The following SRD5A2 variants were observed in gnomAD, a reference collection of about 807,000 sequenced individuals.
SRD5A2 encodes the protein steroid 5 alpha-reductase 2.
SRD5A2 carries 30 observed loss-of-function variants against 27.4 expected under a neutral mutation model. The observed-to-expected ratio is 1.10, with a 90% CI of 0.82 to 1.49. SRD5A2 has a LOEUF of 1.49. Ranked by LOEUF, SRD5A2 falls within the 40% of genes most tolerant of loss-of-function variation. SRD5A2 has a pLI of 0.00. For synonymous variants in SRD5A2, 141 were observed against 133.6 expected (o/e 1.06, Z -0.38); for missense variants, 348 against 323.4 (o/e 1.08, Z -0.58).
chr2:31,575,942 G>A (rs1380323937), intron 1 of SRD5A2, among the ~76,000 whole-genome samples: 2 of 152,212 alleles, frequency 1.3e-5, no homozygotes, highest in East Asian at 3.8e-4. Context: ...ACCAATCAGA[G>A]AGTTTAGACA....
chr2:31,559,173 C>G (rs949845156), intron 1 of SRD5A2, among the ~76,000 whole-genome samples: 1 of 152,158 alleles, frequency 6.6e-6, no homozygotes, highest in African/African-American at 2.4e-5. Context: ...TTTGAGCTCC[C>G]AGACTGTGTG....
chr2:31,639,510 T>C, the SRD5A2 span, among the ~76,000 whole-genome samples: 1 of 152,096 alleles, frequency 6.6e-6, no homozygotes, highest in Non-Finnish European at 1.5e-5. Context: ...CCCTTTAGTA[T>C]TTTTTTATAC....
At chr2:31,663,008 C>T in the SRD5A2 span, among the ~76,000 whole-genome samples, 1 of 152,120 alleles carries the variant, frequency 6.6e-6, no homozygotes, top group African/African-American at 2.4e-5. Flanking sequence ...TAGGTTGTTT[C>T]ACTGCAGACA....
chr2:31,590,633 G>T, the SRD5A2 span, among the ~76,000 whole-genome samples: 1 of 152,104 alleles, frequency 6.6e-6, no homozygotes, highest in Non-Finnish European at 1.5e-5. Flanking sequence ...TCAATCCTAA[G>T]CCAAAAGAAC....
chr2:31,599,899 T>G, the SRD5A2 span, among the ~76,000 whole-genome samples: 1 of 151,974 alleles, frequency 6.6e-6, no homozygotes, highest in Non-Finnish European at 1.5e-5. Context: ...ACTCTTATCC[T>G]GTGGGTTTGT....
In SRD5A2 at chr2:31,531,366, A is replaced by T; in HGVS notation, c.547+5T>A. 6.4e-7 allele frequency: 1 copy of T among 1,569,682 alleles called. No homozygotes were observed. The highest frequency in any genetic ancestry group is 1.8e-4 in the Middle Eastern group (1 of 5,530). ...GTGAGAGTCTGGGGGCAGGGGAGAC[A>T]TTACCTTGTGGAATCCTGTAGCTGA... On this transcript the variant is annotated splice_donor_5th_base_variant and intron_variant, in intron 3 of 4. Transcript: ENST00000622030.
At position 31,580,904 on chromosome 2, in the gene SRD5A2, G is replaced by T. The variant is rs753481206; in HGVS notation, c.-4C>A. 1.4e-5 allele frequency: 22 copies of T among 1,592,332 alleles called. 1 individual carries two copies. In the South Asian group the frequency reaches 2.0e-4, roughly 14 times the overall value. ...TCTGCTGGCACTGAACCTGCATCGCGCCGTGTTCCTCGCCGGTGGCCGCTG... is the reference window on the plus strand; with the variant it reads ...TCTGCTGGCACTGAACCTGCATCGCTCCGTGTTCCTCGCCGGTGGCCGCTG... On this transcript the variant is annotated 5_prime_UTR_variant, in exon 1 of 5. Transcript: ENST00000622030.
At chr2:31,619,618 T>G in the SRD5A2 span, among the ~76,000 whole-genome samples, 1 of 152,168 alleles carries the variant, frequency 6.6e-6, no homozygotes, top group Non-Finnish European at 1.5e-5. Context: ...TTTGTGACTT[T>G]TTAGTAATAG....
chr2:31,558,859 TATG>T (rs1445007156), intron 1 of SRD5A2, among the ~76,000 whole-genome samples: 1 of 152,344 alleles, frequency 6.6e-6, no homozygotes, highest in African/African-American at 2.4e-5. Context: ...GAGTACACTC[TATG>T]ATGTTTGGAC....
intron 1 of SRD5A2, among the ~76,000 whole-genome samples, chr2:31,574,973 A>C (rs1666926958): frequency 6.6e-6 from 1 of 152,208 alleles, no homozygotes; most frequent in South Asian, 2.1e-4. Flanking sequence ...TGCAATAGAG[A>C]TCATGACCTG....
the SRD5A2 span, among the ~76,000 whole-genome samples, chr2:31,601,826 G>C: frequency 6.6e-6 from 1 of 151,962 alleles, no homozygotes; most frequent in Non-Finnish European, 1.5e-5. Context: ...TATTTCAATC[G>C]ATGCAGAAAG....
At chr2:31,546,176 CT>C (rs149372195) in intron 1 of SRD5A2, among the ~76,000 whole-genome samples, 49 of 149,514 alleles carry the variant, frequency 3.3e-4, no homozygotes, top group African/African-American at 6.6e-4. Context: ...ATTCCAATGA[CT>C]TTTTTTTTTC....
the SRD5A2 span, among the ~76,000 whole-genome samples, chr2:31,634,383 T>G: frequency 7.2e-5 from 11 of 152,132 alleles, no homozygotes; most frequent in African/African-American, 2.4e-4. Context: ...ATACCAAATG[T>G]GTTAATATAT....
rs1057322409 is a variant in SRD5A2 at position 31,524,955 on chromosome 2, A to T, written c.*1241T>A. The T allele has an allele frequency of 2.2e-5, 5 of 222,778 alleles. No homozygotes were observed. Among genetic ancestry groups the T allele is most frequent in the African/African-American group, 1.1e-4 (5 of 44,794 alleles). The allele number at this position is 222,778 out of a possible 1,614,324, so 13.8% of individuals were successfully genotyped here. The stretch of plus-strand genomic sequence containing the variant: ...TCTGGTGTGGAAATGTGGGCTCTGT[A>T]TGTTCAGATCCTCCAACTTTTTAAA... On this transcript the variant is annotated 3_prime_UTR_variant, in exon 5 of 5. Coordinates refer to ENST00000622030, the MANE Select transcript of SRD5A2 (RefSeq NM_000348.4).
intron 1 of SRD5A2, among the ~76,000 whole-genome samples, chr2:31,556,810 G>C (rs1666503831): frequency 6.6e-6 from 1 of 152,114 alleles, no homozygotes; most frequent in Non-Finnish European, 1.5e-5. Context: ...ATAACTTGTT[G>C]GAGTAATATT....
At position 31,580,814 on chromosome 2, in the gene SRD5A2, C is replaced by A; in HGVS notation, c.87G>T (p.Lys29Asn). 1 of 1,612,498 alleles carries A rather than the reference C, an allele frequency of 6.2e-7. No individual in the cohort carries two copies. Among genetic ancestry groups the A allele is most frequent in the Non-Finnish European group, 8.5e-7 (1 of 1,179,710 alleles). The stretch of plus-strand genomic sequence containing the variant: ...CCGTGTGCTTCCCGTAGCCGGAGGG[C>A]TTCGCGACGTACAAGGCCAGTGCCC... Reference protein sequence around the residue: ...ALGALALYVAKPSGYGKHTES... With the variant: ...ALGALALYVANPSGYGKHTES... The change falls in exon 1 of 5, where the codon AAG becomes AAT. Residue 29 changes from lysine (K) to asparagine (N), a missense_variant. Lys to Asn is a moderately conservative substitution (Grantham distance 94). Transcript: ENST00000622030.
At chr2:31,596,039 T>C in the SRD5A2 span, among the ~76,000 whole-genome samples, 6 of 152,168 alleles carry the variant, frequency 3.9e-5, no homozygotes, top group South Asian at 1.2e-3. Context: ...AAAATCAGCA[T>C]AGAAGAGAGA....
the SRD5A2 span, among the ~76,000 whole-genome samples, chr2:31,633,631 C>T: frequency 3.3e-5 from 5 of 152,152 alleles, no homozygotes; most frequent in Non-Finnish European, 7.3e-5. Flanking sequence ...GCACCCCTCC[C>T]GAGGAAATCT....
chr2:31,631,497 C>T, the SRD5A2 span, among the ~76,000 whole-genome samples: 15 of 152,136 alleles, frequency 9.9e-5, no homozygotes, highest in African/African-American at 3.6e-4. Flanking sequence ...CCCCCCAAGG[C>T]AAAAACACCC....
Sources: allele counts gnomAD v4.1 joint callset (sites outside exome capture counted in the v4.1 genomes callset), GRCh38; gene constraint gnomAD v4.1.1; transcripts MANE v1.5; gene names NCBI Gene and HGNC (gene_info 2026-07-23, HGNC 2026-07-21).